CSGALNACT1: variants seen among roughly 807,000 people sequenced by gnomAD.
The protein encoded by CSGALNACT1 is beta4GalNAcT-1.
CSGALNACT1 carries 52 observed loss-of-function variants against 51.0 expected under a neutral mutation model. That is an observed-to-expected ratio of 1.02 (90% CI 0.82 to 1.29). The LOEUF is 1.29. CSGALNACT1 is among the 50% of genes most tolerant of loss of function. CSGALNACT1 has a pLI of 0.00. For synonymous variants in CSGALNACT1, 341 were observed against 254.4 expected, an observed-to-expected ratio of 1.34 and a Z score of -3.24; for missense variants, 935 against 679.2, an observed-to-expected ratio of 1.38 and a Z score of -4.19.
At chr8:19,554,113 A>G (rs2089049146) in intron 3 of CSGALNACT1, among the ~76,000 whole-genome samples, 1 of 152,206 alleles carries the variant, frequency 6.6e-6, no homozygotes, top group African/African-American at 2.4e-5. Flanking sequence ...ATGAAAAAAC[A>G]AAGCCCACAG....
intron 1 of CSGALNACT1, among the ~76,000 whole-genome samples, chr8:19,660,364 G>A (rs1381095564): frequency 1.3e-5 from 2 of 152,146 alleles, no homozygotes; most frequent in Admixed American, 1.3e-4. Flanking sequence ...ATCCCCCTAA[G>A]CCTTAATTTC....
chr8:19,406,583 C>T (rs777588500), intron 9 of CSGALNACT1, among the ~76,000 whole-genome samples: 14 of 141,810 alleles, frequency 9.9e-5, no homozygotes, highest in Non-Finnish European at 1.8e-4. Context: ...TCACATGTAC[C>T]CCATAAACAT....
At chr8:19,684,325 C>T (rs55657185), upstream of CSGALNACT1, among the ~76,000 whole-genome samples, 22,561 of 152,076 alleles carry the variant, frequency 0.15, 1,905 homozygotes, top group East Asian at 0.41. Context: ...AAGGTACGTT[C>T]ATTGACAAAG....
chr8:19,656,340 G>A (rs1489238110), intron 1 of CSGALNACT1, among the ~76,000 whole-genome samples: 2 of 152,050 alleles, frequency 1.3e-5, no homozygotes, highest in Non-Finnish European at 2.9e-5. Context: ...AGGACCTCTA[G>A]TCCAATTCAC....
intron 1 of CSGALNACT1, chr8:19,642,100 A>G (rs945862734): frequency 3.9e-5 from 6 of 152,238 alleles, no homozygotes; most frequent in Non-Finnish European, 8.8e-5. Flanking sequence ...TTAAATAGGC[A>G]CTAAAACAGA....
chr8:19,432,062 G>A (rs1370229096), intron 6 of CSGALNACT1, among the ~76,000 whole-genome samples: 1 of 152,048 alleles, frequency 6.6e-6, no homozygotes, highest in Admixed American at 6.6e-5. Flanking sequence ...TTACTTCACT[G>A]GCAATCTTTA....
chr8:19,670,458 C>A (rs372428346), intron 1 of CSGALNACT1, among the ~76,000 whole-genome samples: 6 of 151,922 alleles, frequency 3.9e-5, no homozygotes, highest in East Asian at 1.9e-4. Context: ...AAGAAAATGT[C>A]ATTAAATATA....
chr8:19,457,132 A>C (rs1297198698), intron 5 of CSGALNACT1, among the ~76,000 whole-genome samples: 3 of 152,208 alleles, frequency 2.0e-5, no homozygotes, highest in African/African-American at 7.2e-5. Context: ...AGTCTCAATT[A>C]AGGGAAGATT....
chr8:19,648,570 G>T (rs752885683), intron 1 of CSGALNACT1, among the ~76,000 whole-genome samples: 1 of 152,186 alleles, frequency 6.6e-6, no homozygotes, highest in African/African-American at 2.4e-5. Context: ...CATTCTGGGA[G>T]GCCAAGGCAG....
intron 6 of CSGALNACT1, among the ~76,000 whole-genome samples, chr8:19,433,896 G>A (rs2059997870): frequency 6.6e-6 from 1 of 152,170 alleles, no homozygotes; most frequent in Non-Finnish European, 1.5e-5. Context: ...GGACACACCT[G>A]CTTTAAATAT....
intron 1 of CSGALNACT1, among the ~76,000 whole-genome samples, chr8:19,743,068 A>C (rs943369599): frequency 1.3e-5 from 2 of 152,200 alleles, no homozygotes; most frequent in African/African-American, 4.8e-5. Context: ...AAAACAACTC[A>C]CAATAAACTC....
intron 1 of CSGALNACT1, among the ~76,000 whole-genome samples, chr8:19,666,851 A>C (rs935849733): frequency 8.6e-6 from 1 of 115,644 alleles, no homozygotes; most frequent in South Asian, 2.7e-4. Context: ...GAAAGAAAGA[A>C]AGAAAGAAAG....
At chr8:19,704,087 G>C (rs1189061818) in intron 1 of CSGALNACT1, among the ~76,000 whole-genome samples, 1 of 151,990 alleles carries the variant, frequency 6.6e-6, no homozygotes, top group Admixed American at 6.6e-5. Flanking sequence ...GAAAGAATGA[G>C]AATGCTCTGA....
rs201098374 is a variant in CSGALNACT1, at chr8:19,599,472, A to AAAAGAAAGAAAGAAAGAAAGAAAGAAAG, written c.-416+2271_-416+2298dup. Among the ~76,000 whole-genome samples the AAAAGAAAGAAAGAAAGAAAGAAAGAAAG allele has an allele frequency of 3.1e-4, 35 of 113,804 alleles. 1 individual carries two copies. The highest frequency in any genetic ancestry group is 5.3e-4 in the East Asian group (2 of 3,760). The allele number at this position is 113,804 out of a possible 152,430, so 74.7% of individuals were successfully genotyped here. On this transcript the variant is annotated intron_variant, in intron 2 of 9. Coordinates refer to ENST00000454498, the Ensembl canonical transcript of CSGALNACT1. Reference sequence around the variant, plus strand: ...GAAAAAGAAAAGAAAGAAAGAAAGAAAAAGAAAGAAAGAAAGAAAGAAAGA... The same window carrying AAAAGAAAGAAAGAAAGAAAGAAAGAAAG: ...GAAAAAGAAAAGAAAGAAAGAAAGAAAAAGAAAGAAAGAAAGAAAGAAAGAAAGAAAGAAAGAAAGAAAGAAAGAAAGA...
chr8:19,573,714 CTCTT>C (rs1230506906), intron 3 of CSGALNACT1, among the ~76,000 whole-genome samples: 3 of 152,196 alleles, frequency 2.0e-5, no homozygotes, highest in Non-Finnish European at 2.9e-5. Context: ...ATACCAATCT[CTCTT>C]AATGATCAAT....
At chr8:19,411,209 T>C (rs553655171) in intron 8 of CSGALNACT1, among the ~76,000 whole-genome samples, 1 of 152,318 alleles carries the variant, frequency 6.6e-6, no homozygotes, top group South Asian at 2.1e-4. Context: ...TCCTGGCCCA[T>C]GTTATGCACC....
chr8:19,633,671 C>T (rs112370730), intron 1 of CSGALNACT1, among the ~76,000 whole-genome samples: 2,048 of 152,270 alleles, frequency 0.013, 52 homozygotes, highest in African/African-American at 0.047. Context: ...GAATTGCCCT[C>T]CAGACTTTTA....
At chr8:19,683,038 T>C (rs2154210332), upstream of CSGALNACT1, 1 of 254,652 alleles carries the variant, frequency 3.9e-6, no homozygotes, top group Admixed American at 4.7e-5. Flanking sequence ...CTGGAGACCG[T>C]GATTTGCCAT....
chr8:19,557,882 C>T (rs73214624), intron 3 of CSGALNACT1, among the ~76,000 whole-genome samples: 21,871 of 152,178 alleles, frequency 0.14, 1,647 homozygotes, highest in African/African-American at 0.17. Flanking sequence ...GTATCTCACA[C>T]GTGGTAGCTT....
Sources: gnomAD v4.1 joint callset for allele counts (sites outside exome capture counted in the v4.1 genomes callset) on GRCh38, gnomAD v4.1.1 for gene constraint, MANE v1.5 for transcripts, NCBI Gene and HGNC (gene_info 2026-07-23, HGNC 2026-07-21) for gene names.